Variants in PRDM2 observed in about 807,000 individuals in gnomAD.
The protein encoded by PRDM2 is PR domain zinc finger protein 2.
PRDM2 carries 30 observed loss-of-function variants against 130.0 expected under a neutral mutation model. The ratio of observed to expected loss-of-function variants is 0.23; its 90% CI spans 0.17 to 0.31. PRDM2 has a LOEUF of 0.31. Among genes scored for constraint, PRDM2 ranks in the 10% least tolerant of loss-of-function variants. The pLI, the probability that PRDM2 is intolerant of heterozygous loss-of-function variation, is 1.00. For missense variants in PRDM2, 2,011 were observed against 2,108.4 expected, an observed-to-expected ratio of 0.95 and a Z score of 0.90; for synonymous variants, 871 against 782.4, an observed-to-expected ratio of 1.11 and a Z score of -1.89.
At chr1:13,755,073 G>C (rs1643916627) in intron 6 of PRDM2, among the ~76,000 whole-genome samples, 2 of 152,160 alleles carry the variant, frequency 1.3e-5, no homozygotes, top group African/African-American at 4.8e-5. Flanking sequence ...GTTTTTAAAA[G>C]CTCAGTACGG....
chr1:13,738,902 G>C (rs912952328), intron 4 of PRDM2: 1 of 150,112 alleles, frequency 6.7e-6, no homozygotes, highest in African/African-American at 2.5e-5. Context: ...ATCTAATTCT[G>C]TAACTGAAAC....
intron 6 of PRDM2, chr1:13,770,190 G>A: frequency 2.9e-6 from 1 of 340,004 alleles, no homozygotes; most frequent in Non-Finnish European, 5.8e-6. Context: ...GGCTTTTAAA[G>A]AGGACACCTG....
At chr1:13,725,880 C>G (rs1642898465) in intron 2 of PRDM2, among the ~76,000 whole-genome samples, 1 of 152,206 alleles carries the variant, frequency 6.6e-6, no homozygotes, top group South Asian at 2.1e-4. Flanking sequence ...AATGTAGACT[C>G]TGGAATCTGT....
chr1:13,801,832 G>C (rs983854443), intron 8 of PRDM2, among the ~76,000 whole-genome samples: 1 of 152,190 alleles, frequency 6.6e-6, no homozygotes, highest in African/African-American at 2.4e-5. Context: ...TTCCACATGC[G>C]CCACCTGGCC....
At chr1:13,794,539 G>A (rs572343907) in intron 8 of PRDM2, among the ~76,000 whole-genome samples, 14 of 152,212 alleles carry the variant, frequency 9.2e-5, no homozygotes, top group Non-Finnish European at 1.8e-4. Context: ...TTCTGTAAGC[G>A]TAATCTATGC....
chr1:13,751,315 A>G (rs184812477), intron 6 of PRDM2, among the ~76,000 whole-genome samples: 1 of 152,190 alleles, frequency 6.6e-6, no homozygotes, highest in Non-Finnish European at 1.5e-5. Context: ...CCAGAATCCT[A>G]GGTTTTAATT....
chr1:13,712,806 C>T (rs1325947115), intron 1 of PRDM2, among the ~76,000 whole-genome samples: 2 of 152,154 alleles, frequency 1.3e-5, no homozygotes, highest in Non-Finnish European at 2.9e-5. Flanking sequence ...TCCATCCGTC[C>T]GTCTGTCCGT....
intron 6 of PRDM2, among the ~76,000 whole-genome samples, chr1:13,756,602 C>T (rs1643960226): frequency 6.6e-6 from 1 of 152,120 alleles, no homozygotes; most frequent in Non-Finnish European, 1.5e-5. Context: ...AGAAATACTG[C>T]AAGTAGCTGT....
At chr1:13,753,274 C>T (rs1200462934) in intron 6 of PRDM2, among the ~76,000 whole-genome samples, 1 of 152,140 alleles carries the variant, frequency 6.6e-6, no homozygotes, top group Non-Finnish European at 1.5e-5. Context: ...ATTACAAAAT[C>T]GGTAATGAAT....
intron 8 of PRDM2, among the ~76,000 whole-genome samples, chr1:13,785,834 C>CT (rs537560305): frequency 0.033 from 3,784 of 115,070 alleles, 90 homozygotes; most frequent in South Asian, 0.11. Flanking sequence ...TTTTTGGGTT[C>CT]TTTTTTTTTT....
intron 6 of PRDM2, chr1:13,768,914 A>G (rs1228949151): frequency 6.5e-6 from 1 of 154,788 alleles, no homozygotes; most frequent in Non-Finnish European, 1.4e-5. Flanking sequence ...CTCAGCAACT[A>G]AGTACACAGT....
chr1:13,719,563 G>A (rs1642656009), intron 2 of PRDM2, among the ~76,000 whole-genome samples: 1 of 152,190 alleles, frequency 6.6e-6, no homozygotes, highest in Admixed American at 6.5e-5. Flanking sequence ...TTAACACCAT[G>A]CTTTAGGACA....
chr1:13,716,603 C>T (rs954247437), intron 2 of PRDM2, among the ~76,000 whole-genome samples: 8 of 152,226 alleles, frequency 5.3e-5, no homozygotes, highest in East Asian at 1.9e-4. Flanking sequence ...TTTCTCTTTA[C>T]AGGAGATGTG....
chr1:13,717,279 TATACTC>T (rs1231443807), intron 2 of PRDM2: 19 of 244,738 alleles, frequency 7.8e-5, no homozygotes, highest in African/African-American at 2.1e-4. Flanking sequence ...CCATCAAAGT[TATACTC>T]ATATATATTT....
In PRDM2 at chr1:13,782,623, A is replaced by T; in HGVS notation, c.4828A>T (p.Ser1610Cys). 1 of 1,614,172 alleles carries T rather than the reference A, an allele frequency of 6.2e-7. No homozygotes were observed. ...TCAGCTTTCCAGCAAAACATCACGG[A>T]GCCTGCACGTGAGGGTACAGAAAAG... Reference protein sequence around the residue: ...SAQLSSKTSRSLHVRVQKSKA... With the variant: ...SAQLSSKTSRCLHVRVQKSKA... Residue 1610 changes from serine to cysteine, a missense_variant, in exon 8 of 10, where the codon AGC (serine) becomes TGC (cysteine). This residue lies in a region of PRDM2 where 410 missense variants were observed against 395.9 expected (regional missense o/e 1.04). Transcript: ENST00000311066.
intron 7 of PRDM2, among the ~76,000 whole-genome samples, chr1:13,773,848 C>T (rs1259846918): frequency 1.3e-5 from 2 of 152,180 alleles, no homozygotes; most frequent in African/African-American, 4.8e-5. Flanking sequence ...TTCTATTATT[C>T]ATCTGTGGAA....
At chr1:13,816,313 A>T (rs1450407829) in intron 8 of PRDM2, 114 bp from the exon 9 acceptor site, 1 of 1,350,852 alleles carries the variant, frequency 7.4e-7, no homozygotes, top group African/African-American at 1.5e-5. Flanking sequence ...CAGGAAGTGC[A>T]ATCCTATCCT....
At chr1:13,704,671 G>A (rs1642155526) in intron 1 of PRDM2, among the ~76,000 whole-genome samples, 1 of 152,196 alleles carries the variant, frequency 6.6e-6, no homozygotes, top group South Asian at 2.1e-4. Context: ...TTTTATATGT[G>A]CTTATATGTA....
chr1:13,740,474 T>C (rs1161873067), intron 4 of PRDM2, among the ~76,000 whole-genome samples: 1 of 152,202 alleles, frequency 6.6e-6, no homozygotes. Flanking sequence ...GTGCCTATGA[T>C]GATTAAAGTA....
Sources: gnomAD v4.1 joint callset for allele counts (sites outside exome capture counted in the v4.1 genomes callset) on GRCh38, gnomAD v4.1.1 for gene constraint, gnomAD v4.1.1 regional missense constraint, MANE v1.5 for transcripts, NCBI Gene and HGNC (gene_info 2026-07-23, HGNC 2026-07-21) for gene names.